Variants in EVI5 observed in about 807,000 individuals in gnomAD.
The protein encoded by EVI5 is ecotropic viral integration site 5 protein homolog.
In EVI5, 73 loss-of-function variants were observed where a neutral mutation model predicts 112.0. The observed-to-expected ratio is 0.65, with a 90% CI of 0.54 to 0.79. EVI5 has a LOEUF of 0.79. Ranked by LOEUF, EVI5 falls within the 30% of genes least tolerant of loss-of-function variation. EVI5 has a pLI of 0.00. For missense variants in EVI5, 900 were observed against 968.8 expected (o/e 0.93, Z 0.94); for synonymous variants, 305 against 319.9 (o/e 0.95, Z 0.50).
At chr1:92,756,026 A>G (rs1361183632) in intron 1 of EVI5, 1 of 230,262 alleles carries the variant, frequency 4.3e-6, no homozygotes, top group East Asian at 1.1e-4. Flanking sequence ...ATGGATTGCT[A>G]TGACATCTCT....
intron 18 of EVI5, among the ~76,000 whole-genome samples, chr1:92,605,000 CA>C (rs1650044780): frequency 6.6e-6 from 1 of 151,986 alleles, no homozygotes; most frequent in Non-Finnish European, 1.5e-5. Flanking sequence ...TGGTGGTTGC[CA>C]GTTGCTGGGG....
At chr1:92,608,784 ATG>A (rs771977570) in intron 16 of EVI5, among the ~76,000 whole-genome samples, 1 of 152,044 alleles carries the variant, frequency 6.6e-6, no homozygotes, top group Non-Finnish European at 1.5e-5. Flanking sequence ...AATACGGCAT[ATG>A]TGTATTTCTA....
At position 92,770,465 on chromosome 1, in the gene EVI5, A is replaced by C. The variant is rs1349643684; in HGVS notation, c.-82+14371T>G. 2.0e-5 allele frequency among the ~76,000 whole-genome samples: 3 copies of C among 152,228 alleles called. No homozygotes were observed. The East Asian group carries it at 5.8e-4, about 29-fold the overall frequency. On this transcript the variant is annotated intron_variant, in intron 1 of 19. Coordinates refer to ENST00000684568, the MANE Select transcript of EVI5 (RefSeq NM_001350197.2). ...TTCCATAAAGTATAACTACTGGGAC[A>C]AGTAACATAATACTACAAGTTTTAA...
chr1:92,763,449 T>C (rs1469676202), intron 1 of EVI5, among the ~76,000 whole-genome samples: 2 of 151,802 alleles, frequency 1.3e-5, no homozygotes, highest in Non-Finnish European at 2.9e-5. Flanking sequence ...GTAATCCTAG[T>C]GCTTTCGGAG....
chr1:92,552,274 G>C (rs1667064394), intron 19 of EVI5, among the ~76,000 whole-genome samples: 1 of 152,046 alleles, frequency 6.6e-6, no homozygotes, highest in African/African-American at 2.4e-5. Context: ...GAAATATAAG[G>C]CTGAATAAGA....
At chr1:92,642,159 AATT>A (rs1173923904) in intron 13 of EVI5, among the ~76,000 whole-genome samples, 13 of 152,222 alleles carry the variant, frequency 8.5e-5, no homozygotes, top group African/African-American at 2.9e-4. Context: ...AAAAATCTAT[AATT>A]TTTATATGAT....
intron 1 of EVI5, among the ~76,000 whole-genome samples, chr1:92,777,236 C>T (rs1168175877): frequency 6.6e-6 from 1 of 152,148 alleles, no homozygotes; most frequent in Admixed American, 6.5e-5. Context: ...CCACCACGCC[C>T]GGCCCATTAT....
At chr1:92,665,731 C>T (rs981751664) in intron 11 of EVI5, among the ~76,000 whole-genome samples, 25 of 152,044 alleles carry the variant, frequency 1.6e-4, no homozygotes, top group African/African-American at 5.8e-4. Flanking sequence ...CAGTTAAAAC[C>T]TGAATACTAA....
At chr1:92,646,736 G>C (rs1233375386) in intron 13 of EVI5, among the ~76,000 whole-genome samples, 1 of 152,146 alleles carries the variant, frequency 6.6e-6, no homozygotes, top group Non-Finnish European at 1.5e-5. Flanking sequence ...ATCTTTAAAT[G>C]CTTTGTCACA....
chr1:92,640,631 T>G (rs2101951002), intron 13 of EVI5, among the ~76,000 whole-genome samples: 1 of 152,222 alleles, frequency 6.6e-6, no homozygotes, highest in South Asian at 2.1e-4. Flanking sequence ...TGCGGACAGA[T>G]AGGAATGCTT....
intron 2 of EVI5, among the ~76,000 whole-genome samples, chr1:92,718,797 GC>G (rs1674226480): frequency 6.6e-6 from 1 of 151,916 alleles, no homozygotes. Context: ...TAGACCTCAA[GC>G]AAGATTAATA....
At chr1:92,711,140 T>C (rs1051345352) in intron 2 of EVI5, among the ~76,000 whole-genome samples, 2 of 151,998 alleles carry the variant, frequency 1.3e-5, no homozygotes, top group African/African-American at 4.8e-5. Flanking sequence ...GATTTGAAAA[T>C]ACAAGGGAGG....
chr1:92,774,717 T>C (rs1683880893), intron 1 of EVI5, among the ~76,000 whole-genome samples: 1 of 152,156 alleles, frequency 6.6e-6, no homozygotes, highest in African/African-American at 2.4e-5. Flanking sequence ...AGGGAACACT[T>C]TTCAGAGAGT....
intron 2 of EVI5, among the ~76,000 whole-genome samples, chr1:92,722,937 CT>C (rs1016749551): frequency 2.6e-5 from 4 of 152,264 alleles, no homozygotes; most frequent in East Asian, 3.9e-4. Context: ...CAAAGAAAAC[CT>C]TTAAAAGGGC....
intron 5 of EVI5, among the ~76,000 whole-genome samples, chr1:92,701,607 G>A (rs188760553): frequency 7.2e-5 from 11 of 152,008 alleles, no homozygotes; most frequent in Admixed American, 4.6e-4. Context: ...TCCTACCCCC[G>A]AATTCTGAAA....
chr1:92,600,134 A>C (rs1044008403), intron 18 of EVI5, among the ~76,000 whole-genome samples: 7 of 152,192 alleles, frequency 4.6e-5, no homozygotes, highest in African/African-American at 1.7e-4. Context: ...CCTTTTATTT[A>C]GTTTTATACT....
intron 9 of EVI5, 124 bp from the exon 10 acceptor site, chr1:92,677,342 C>T: frequency 5.7e-6 from 3 of 530,790 alleles, no homozygotes; most frequent in Non-Finnish European, 6.4e-6. Context: ...TAGCTTATAA[C>T]TTGGAGATAT....
At chr1:92,707,120 G>A (rs952548715) in intron 2 of EVI5, among the ~76,000 whole-genome samples, 69 of 149,216 alleles carry the variant, frequency 4.6e-4, no homozygotes, top group African/African-American at 1.5e-3. Context: ...CGGAGGTTGC[G>A]GTGAGCCGAG....
intron 2 of EVI5, among the ~76,000 whole-genome samples, chr1:92,719,881 A>C (rs546673137): frequency 9.2e-5 from 14 of 152,108 alleles, no homozygotes; most frequent in African/African-American, 3.1e-4. Flanking sequence ...CATTCTTATA[A>C]ACCAATAACA....
Sources: gnomAD v4.1 joint callset for allele counts (sites outside exome capture counted in the v4.1 genomes callset) on GRCh38, gnomAD v4.1.1 for gene constraint, MANE v1.5 for transcripts, NCBI Gene and HGNC (gene_info 2026-07-23, HGNC 2026-07-21) for gene names.